The following SYNJ2 variants were observed in gnomAD, a reference collection of about 807,000 sequenced individuals.
SYNJ2 encodes synaptojanin 2, also known as polyphosphatidylinositol phosphatase SYNJ2.
SYNJ2 carries 116 observed loss-of-function variants against 141.3 expected under a neutral mutation model. That is an observed-to-expected ratio of 0.82 (90% CI 0.71 to 0.96). SYNJ2 has a LOEUF of 0.96. SYNJ2 is among the 40% of genes least tolerant of loss of function. The pLI is 0.00. For missense variants in SYNJ2, 1,873 were observed against 1,934.8 expected, an observed-to-expected ratio of 0.97 and a Z score of 0.60; for synonymous variants, 745 against 777.7, an observed-to-expected ratio of 0.96 and a Z score of 0.70.
rs766872945 is a variant in SYNJ2 at position 158,098,261 on chromosome 6, T to A, written c.*1897T>A. On this transcript the variant is annotated 3_prime_UTR_variant, in exon 27 of 27. Transcript: ENST00000355585. ...TTGCTTGCAGTGCTGGAAATAGATC[T>A]CATTTTTAGGTTTTCTCTTCGTTCC... is the stretch of plus-strand genomic sequence containing the variant. The A allele has an allele frequency of 6.6e-6, 1 of 152,340 alleles. No individual in the cohort carries two copies. Among genetic ancestry groups the A allele is most frequent in the African/African-American group, 2.4e-5 (1 of 41,572 alleles). The allele number at this position is 152,340 out of a possible 1,614,324, so 9.4% of individuals were successfully genotyped here.
chr6:158,050,000 G>T (rs1008465250), intron 5 of SYNJ2, among the ~76,000 whole-genome samples: 10 of 152,098 alleles, frequency 6.6e-5, no homozygotes, highest in African/African-American at 2.4e-4. Context: ...ACCCGGCTCT[G>T]CAGGTATGGA....
intron 2 of SYNJ2, among the ~76,000 whole-genome samples, chr6:158,025,126 A>G (rs1423888231): frequency 6.6e-6 from 1 of 152,194 alleles, no homozygotes; most frequent in Non-Finnish European, 1.5e-5. Flanking sequence ...AGCGGCCCGC[A>G]GATTGGCCGG....
At chr6:158,029,326 A>G (rs948010212) in intron 3 of SYNJ2, 6 of 230,602 alleles carry the variant, frequency 2.6e-5, no homozygotes, top group Non-Finnish European at 5.1e-5. Context: ...AGGCAGGTGG[A>G]TCACTTGAGT....
chr6:158,096,179 C>T lies in SYNJ2; in HGVS notation c.4306C>T (p.Pro1436Ser). 6.2e-7 allele frequency: 1 copy of T among 1,614,240 alleles called. No individual in the cohort carries two copies. Among genetic ancestry groups the T allele is most frequent in the Non-Finnish European group, 8.5e-7 (1 of 1,180,046 alleles). The change falls in exon 27 of 27, where the codon CCT (proline) becomes TCT (serine). Residue 1436 changes from proline (P) to serine (S), a missense_variant. Physicochemically the swap from Pro to Ser is moderately conservative, Grantham distance 74 (BLOSUM62 -1). Transcript: ENST00000355585. Reference sequence around the variant, plus strand: ...CACTTGGCTTTCTAAGAGCTCAGACCCTTTGGACTCAGGAACCAGGAGCCC... The same window carrying T: ...CACTTGGCTTTCTAAGAGCTCAGACTCTTTGGACTCAGGAACCAGGAGCCC... ...NNTWLSKSSDPLDSGTRSPKR... is the reference protein window; with the variant it reads ...NNTWLSKSSDSLDSGTRSPKR...
intron 5 of SYNJ2, among the ~76,000 whole-genome samples, chr6:158,049,328 T>C (rs967869354): frequency 6.6e-6 from 1 of 152,164 alleles, no homozygotes; most frequent in Non-Finnish European, 1.5e-5. Flanking sequence ...CTGTGGCTTC[T>C]GACACCCAGT....
At chr6:158,068,087 C>T in intron 12 of SYNJ2, 1 of 594,578 alleles carries the variant, frequency 1.7e-6, no homozygotes, top group Non-Finnish European at 2.1e-6. Flanking sequence ...GAAAGGAGTG[C>T]TGTGGTTACT....
chr6:157,982,033 GGC>G lies in SYNJ2; in HGVS notation c.78_79del (p.Gly27ProfsTer24). On this transcript the variant is annotated frameshift_variant, in exon 1 of 27. Transcript: ENST00000355585. LOFTEE classifies it high-confidence loss of function. The surrounding 1 kb of genome is among the most constrained non-coding windows in gnomAD (Gnocchi z 4.0). ...AEGDCSVLLE[A>X]RGRDDCLLFE... The stretch of plus-strand genomic sequence containing the variant: ...AGGGGGACTGTAGCGTGCTGCTGGA[GGC>G]GCGCGGCCGCGACGACTGCCTGCTG... 1 of 1,335,944 alleles carries G rather than the reference GGC, an allele frequency of 7.5e-7. No homozygotes were observed. The highest frequency in any genetic ancestry group is 9.6e-7 in the Non-Finnish European group (1 of 1,046,576). The allele number at this position is 1,335,944 out of a possible 1,614,324, so 82.8% of individuals were successfully genotyped here. A position where few individuals can be genotyped will look rare whatever the true frequency, so the allele number is the denominator to read the frequency against.
At chr6:158,055,062 T>C (rs1438889618) in intron 6 of SYNJ2, 34 bp downstream of exon 6, 1 of 1,610,498 alleles carries the variant, frequency 6.2e-7, no homozygotes, top group East Asian at 2.2e-5. Flanking sequence ...AAGCCTGTCA[T>C]TGTCATCCTT....
chr6:158,087,077 C>A, intron 23 of SYNJ2, 88 bp downstream of exon 23: 1 of 1,478,622 alleles, frequency 6.8e-7, no homozygotes, highest in Non-Finnish European at 9.1e-7. Flanking sequence ...TCCGAATCCA[C>A]TTCTCCCCGG....
At chr6:157,992,672 ACAGGTGTGAG>A (rs1047140785) in intron 1 of SYNJ2, among the ~76,000 whole-genome samples, 25 of 152,176 alleles carry the variant, frequency 1.6e-4, no homozygotes, top group Admixed American at 1.1e-3. Flanking sequence ...TGCTGGGATT[ACAGGTGTGAG>A]CAGGTGTGAG....
intron 23 of SYNJ2, among the ~76,000 whole-genome samples, chr6:158,087,220 C>G (rs1446174375): frequency 6.6e-6 from 1 of 152,216 alleles, no homozygotes; most frequent in Non-Finnish European, 1.5e-5. Flanking sequence ...GCTGTTCACC[C>G]TGGAGCTGTG....
intron 25 of SYNJ2, among the ~76,000 whole-genome samples, chr6:158,091,495 T>A (rs1288294062): frequency 1.3e-5 from 2 of 149,908 alleles, no homozygotes; most frequent in Middle Eastern, 3.4e-3. Context: ...ACGCCTGTAA[T>A]CCCAGCGCTT....
At chr6:158,052,521 C>T (rs1169197652) in intron 5 of SYNJ2, among the ~76,000 whole-genome samples, 1 of 152,156 alleles carries the variant, frequency 6.6e-6, no homozygotes. Context: ...TCTCAGGAAG[C>T]TTACAGTCAT....
chr6:158,088,792 T>C lies in SYNJ2; in HGVS notation c.3456+20T>C. On this transcript the variant is annotated intron_variant, in intron 24 of 26. Transcript: ENST00000355585. ...CAACCTGTGAGTTCTTCTGCATACA[T>C]TTCAATCCCAAGGGTTTTGCCCCCG... 1 of 1,568,568 alleles carries C rather than the reference T, an allele frequency of 6.4e-7. No homozygotes were observed. The highest frequency in any genetic ancestry group is 8.8e-7 in the Non-Finnish European group (1 of 1,139,048).
Position 158,027,231 on chromosome 6 carries a change from A to G in SYNJ2, c.215-1525A>G, listed in dbSNP as rs908521503. 8 of 981,330 alleles carry G rather than the reference A, an allele frequency of 8.2e-6. No individual in the cohort carries two copies. Among genetic ancestry groups the G allele is most frequent in the Admixed American group, 6.2e-5 (1 of 16,260 alleles). The allele number at this position is 981,330 out of a possible 1,614,324, so 60.8% of individuals were successfully genotyped here. On this transcript the variant is annotated intron_variant, in intron 2 of 26. Coordinates refer to ENST00000355585, the MANE Select transcript of SYNJ2 (RefSeq NM_003898.4). This position sits in a 1 kb window ranked among gnomAD's most constrained non-coding sequence, Gnocchi z 4.6. ...TTGGGGGTCTCTTCCTGGAGTGTGG[A>G]GAGATCAGAACCATCTCCAGACCAT...
At chr6:157,999,972 A>G (rs1421172247) in intron 1 of SYNJ2, among the ~76,000 whole-genome samples, 1 of 143,026 alleles carries the variant, frequency 7.0e-6, no homozygotes, top group Non-Finnish European at 1.5e-5. Context: ...ACAACAGCTT[A>G]TGGTCCAGGA....
intron 1 of SYNJ2, among the ~76,000 whole-genome samples, chr6:157,988,582 A>G (rs1445695784): frequency 2.6e-5 from 4 of 152,086 alleles, no homozygotes; most frequent in Non-Finnish European, 4.4e-5. Context: ...TGGGGTGCTC[A>G]GGGTCCCCTT....
intron 6 of SYNJ2, among the ~76,000 whole-genome samples, chr6:158,055,248 A>G (rs1780800459): frequency 1.3e-5 from 2 of 152,376 alleles, no homozygotes; most frequent in South Asian, 4.1e-4. Context: ...ATGTTCAGGT[A>G]GCACTTTATA....
intron 1 of SYNJ2, among the ~76,000 whole-genome samples, chr6:157,988,630 C>T (rs1413637917): frequency 6.6e-6 from 1 of 152,204 alleles, no homozygotes; most frequent in African/African-American, 2.4e-5. Flanking sequence ...TGCTGGGCTC[C>T]TTCGGCCTTC....
Sources: gnomAD v4.1 joint callset for allele counts (sites outside exome capture counted in the v4.1 genomes callset) on GRCh38, gnomAD v4.1.1 for gene constraint, Gnocchi (gnomAD v3.1) non-coding constraint, MANE v1.5 for transcripts, NCBI Gene and HGNC (gene_info 2026-07-23, HGNC 2026-07-21) for gene names.